Variants in PLCXD3 observed in about 807,000 individuals in gnomAD.
PLCXD3 encodes PI-PLC X domain-containing protein 3.
Under a neutral mutation model 25.5 loss-of-function variants are expected in PLCXD3, and 19 were observed. The observed-to-expected ratio is 0.75, with a 90% CI of 0.52 to 1.09. PLCXD3 has a LOEUF of 1.09. PLCXD3 is among the 50% of genes least tolerant of loss of function. The pLI is 0.00. For missense variants in PLCXD3, 411 were observed against 388.1 expected, an observed-to-expected ratio of 1.06 and a Z score of -0.50; for synonymous variants, 174 against 137.6, an observed-to-expected ratio of 1.26 and a Z score of -1.85.
intron 2 of PLCXD3, among the ~76,000 whole-genome samples, chr5:41,354,270 C>T (rs1022644362): frequency 1.3e-5 from 2 of 152,188 alleles, no homozygotes; most frequent in East Asian, 1.9e-4. Flanking sequence ...TCCAAGCAGA[C>T]TTATGATCAG....
chr5:41,456,424 G>T, intron 1 of PLCXD3: 3 of 368,916 alleles, frequency 8.1e-6, no homozygotes, highest in Non-Finnish European at 1.1e-5. Flanking sequence ...ATGTACAATG[G>T]CTAACTTTTT....
At chr5:41,413,511 A>G (rs2150504010) in intron 1 of PLCXD3, among the ~76,000 whole-genome samples, 1 of 152,328 alleles carries the variant, frequency 6.6e-6, no homozygotes, top group Non-Finnish European at 1.5e-5. Flanking sequence ...AATGTTTTCA[A>G]AAAAATGGTC....
intron 1 of PLCXD3, among the ~76,000 whole-genome samples, chr5:41,422,201 T>A (rs1746845005): frequency 6.6e-6 from 1 of 152,196 alleles, no homozygotes; most frequent in Admixed American, 6.5e-5. Context: ...AGCTTGCTCT[T>A]TCCTATAAAT....
intron 2 of PLCXD3, among the ~76,000 whole-genome samples, chr5:41,354,817 C>T (rs546602417): frequency 6.6e-6 from 1 of 152,266 alleles, no homozygotes; most frequent in East Asian, 1.9e-4. Context: ...TAAAATTCTT[C>T]AAATCCTTTA....
intron 2 of PLCXD3, among the ~76,000 whole-genome samples, chr5:41,362,296 G>A (rs936853287): frequency 1.3e-5 from 2 of 152,276 alleles, no homozygotes; most frequent in African/African-American, 4.8e-5. Context: ...CTCAAAAAAT[G>A]GAGTGATGTG....
chr5:41,428,917 A>T (rs1561270742), intron 1 of PLCXD3, among the ~76,000 whole-genome samples: 1 of 152,156 alleles, frequency 6.6e-6, no homozygotes, highest in Non-Finnish European at 1.5e-5. Context: ...TTAACCATAG[A>T]CTATTTCAAA....
chr5:41,364,641 C>G (rs987072450), intron 2 of PLCXD3, among the ~76,000 whole-genome samples: 12 of 152,182 alleles, frequency 7.9e-5, no homozygotes, highest in Non-Finnish European at 1.8e-4. Flanking sequence ...CTGGGACTTC[C>G]TGCACTATCA....
intron 1 of PLCXD3, among the ~76,000 whole-genome samples, chr5:41,445,802 A>C (rs546571471): frequency 6.6e-6 from 1 of 152,318 alleles, no homozygotes; most frequent in East Asian, 1.9e-4. Context: ...GCCCAAGGTC[A>C]CAAAACATCG....
At chr5:41,351,278 C>T (rs1000178772) in intron 2 of PLCXD3, among the ~76,000 whole-genome samples, 1 of 152,134 alleles carries the variant, frequency 6.6e-6, no homozygotes, top group Non-Finnish European at 1.5e-5. Flanking sequence ...CCCCATTCCC[C>T]ACCTCTTGAC....
intron 1 of PLCXD3, among the ~76,000 whole-genome samples, chr5:41,448,049 C>A (rs1009378019): frequency 6.6e-6 from 1 of 152,218 alleles, no homozygotes; most frequent in African/African-American, 2.4e-5. Flanking sequence ...GGCTCTGGTG[C>A]AGCTGTAACT....
intron 2 of PLCXD3, among the ~76,000 whole-genome samples, chr5:41,351,916 T>G (rs1404530755): frequency 6.6e-6 from 1 of 152,202 alleles, no homozygotes; most frequent in Non-Finnish European, 1.5e-5. Context: ...ATGTGGGAAA[T>G]ATGCCATTAA....
At chr5:41,322,308 A>C (rs904251151) in intron 2 of PLCXD3, among the ~76,000 whole-genome samples, 11 of 152,366 alleles carry the variant, frequency 7.2e-5, no homozygotes, top group African/African-American at 2.6e-4. Context: ...TACAAATGGC[A>C]AACAGACATA....
At chr5:41,401,229 T>C (rs747369198) in intron 1 of PLCXD3, among the ~76,000 whole-genome samples, 1 of 152,078 alleles carries the variant, frequency 6.6e-6, no homozygotes, top group East Asian at 1.9e-4. Flanking sequence ...ATTCAATGCA[T>C]TTGTTTTTTA....
chr5:41,347,140 T>G (rs1744321770), intron 2 of PLCXD3, among the ~76,000 whole-genome samples: 1 of 152,248 alleles, frequency 6.6e-6, no homozygotes, highest in Non-Finnish European at 1.5e-5. Context: ...TAAGAGTTTC[T>G]GTTGCTCCAT....
chr5:41,457,603 T>C (rs1261688920), intron 1 of PLCXD3, among the ~76,000 whole-genome samples: 3 of 151,938 alleles, frequency 2.0e-5, no homozygotes, highest in African/African-American at 7.2e-5. Flanking sequence ...TTAAGCTGTC[T>C]ATATTCAAGT....
intron 1 of PLCXD3, among the ~76,000 whole-genome samples, chr5:41,397,785 G>C (rs1424095014): frequency 6.6e-6 from 1 of 152,214 alleles, no homozygotes; most frequent in Admixed American, 6.5e-5. Flanking sequence ...CCCATCCTTT[G>C]CATCAGTGCG....
intron 2 of PLCXD3, among the ~76,000 whole-genome samples, chr5:41,369,606 G>T (rs1745034587): frequency 6.6e-6 from 1 of 152,036 alleles, no homozygotes; most frequent in Non-Finnish European, 1.5e-5. Flanking sequence ...TCAGCCTCTT[G>T]AGTAGGTGGG....
rs191458264 is a variant in PLCXD3, at chr5:41,361,819, C to G, written c.812+20007G>C. ...TAGTACAGTTACAATAAATATTTTA[C>G]TTCATTGACTGCTTGAATATTGAAC... is the stretch of plus-strand genomic sequence containing the variant. On this transcript the variant is annotated intron_variant, in intron 2 of 2. Transcript: ENST00000377801. Among the ~76,000 whole-genome samples, 8 of 152,300 alleles carry G rather than the reference C, an allele frequency of 5.3e-5. No individual in the cohort carries two copies. In the East Asian group the frequency reaches 1.5e-3, roughly 29 times the overall value.
chr5:41,467,052 A>G (rs1198540671), intron 1 of PLCXD3, among the ~76,000 whole-genome samples: 2 of 152,130 alleles, frequency 1.3e-5, no homozygotes, highest in Non-Finnish European at 2.9e-5. Flanking sequence ...TGTTGGTTTC[A>G]GTTTCTTTGA....
Sources: allele counts gnomAD v4.1 joint callset (sites outside exome capture counted in the v4.1 genomes callset), GRCh38; gene constraint gnomAD v4.1.1; transcripts MANE v1.5; gene names NCBI Gene and HGNC (gene_info 2026-07-23, HGNC 2026-07-21).